The following SPAM1 variants were observed in gnomAD, a reference collection of about 807,000 sequenced individuals.
SPAM1 encodes hyaluronidase PH-20.
SPAM1 carries 22 observed loss-of-function variants against 29.6 expected under a neutral mutation model. The ratio of observed to expected loss-of-function variants is 0.74; its 90% CI spans 0.53 to 1.06. The LOEUF (loss-of-function observed/expected upper bound fraction) is 1.06, where lower values mean the gene tolerates loss of function less well. Ranked by LOEUF, SPAM1 falls within the 50% of genes least tolerant of loss-of-function variation. SPAM1 has a pLI of 0.00. For synonymous variants in SPAM1, 194 were observed against 204.6 expected (o/e 0.95, Z 0.44); for missense variants, 534 against 604.0 (o/e 0.88, Z 1.21).
At chr7:123,927,697 TGTTTA>T (rs1807934286) in intron 1 of SPAM1, among the ~76,000 whole-genome samples, 1 of 152,152 alleles carries the variant, frequency 6.6e-6, no homozygotes, top group African/African-American at 2.4e-5. Flanking sequence ...AAGAGCACCC[TGTTTA>T]GTTTGGTTAT....
At chr7:123,927,276 C>G (rs1319701432) in intron 1 of SPAM1, among the ~76,000 whole-genome samples, 2 of 152,116 alleles carry the variant, frequency 1.3e-5, no homozygotes, top group Non-Finnish European at 2.9e-5. Flanking sequence ...CAATCCTATT[C>G]TTTTCATGGC....
exon 7 of SPAM1, chr7:123,971,218 T>G (rs1255307145): frequency 6.6e-6 from 1 of 152,120 alleles, no homozygotes; most frequent in Non-Finnish European, 1.5e-5. Flanking sequence ...GATATTTATA[T>G]AAGATTATAA....
At chr7:123,962,740 G>T (rs1792375380), downstream of SPAM1, among the ~76,000 whole-genome samples, 1 of 151,772 alleles carries the variant, frequency 6.6e-6, no homozygotes, top group South Asian at 2.1e-4. Context: ...ATACTAAGTG[G>T]AAAACTAGAA....
intron 5 of SPAM1, among the ~76,000 whole-genome samples, chr7:123,966,041 G>A (rs1030122141): frequency 4.0e-5 from 6 of 151,810 alleles, no homozygotes; most frequent in African/African-American, 7.3e-5. Flanking sequence ...TCTAATATCT[G>A]TAGTCTACAA....
At chr7:123,933,188 AT>A (rs1808143744) in intron 1 of SPAM1, among the ~76,000 whole-genome samples, 1 of 151,618 alleles carries the variant, frequency 6.6e-6, no homozygotes, top group Admixed American at 6.6e-5. Flanking sequence ...CCTCGCGTGC[AT>A]TAGGTATTTG....
intron 5 of SPAM1, among the ~76,000 whole-genome samples, chr7:123,969,112 G>A (rs979222513): frequency 1.6e-4 from 25 of 152,026 alleles, no homozygotes; most frequent in African/African-American, 6.0e-4. Context: ...CAAGGTTGGA[G>A]TGCCCATTTT....
At chr7:123,959,196 T>C (rs1046005671) in intron 4 of SPAM1, among the ~76,000 whole-genome samples, 1 of 151,996 alleles carries the variant, frequency 6.6e-6, no homozygotes, top group Non-Finnish European at 1.5e-5. Context: ...GCTGTAGCAT[T>C]CTATCCCCTG....
chr7:123,927,596 A>T (rs1247629249), intron 1 of SPAM1, among the ~76,000 whole-genome samples: 6 of 152,184 alleles, frequency 3.9e-5, no homozygotes, highest in Admixed American at 3.9e-4. Flanking sequence ...TGTTCTTAGC[A>T]GGTAACAGTC....
chr7:123,952,846 A>G (rs2117057733), intron 2 of SPAM1, among the ~76,000 whole-genome samples: 1 of 151,676 alleles, frequency 6.6e-6, no homozygotes, highest in East Asian at 2.0e-4. Flanking sequence ...AAATTCAACC[A>G]AACTGTTGAT....
intron 1 of SPAM1, among the ~76,000 whole-genome samples, chr7:123,938,957 T>C (rs2117034065): frequency 6.6e-6 from 1 of 152,244 alleles, no homozygotes; most frequent in East Asian, 1.9e-4. Flanking sequence ...TAGTGGGATG[T>C]TGGATTGACT....
chr7:123,966,952 C>A (rs529852207), intron 5 of SPAM1, among the ~76,000 whole-genome samples: 4 of 151,844 alleles, frequency 2.6e-5, no homozygotes, highest in Admixed American at 2.0e-4. Flanking sequence ...AGTGCTATAT[C>A]GTAGGGAATA....
chr7:123,944,208 C>G (rs903749275), intron 1 of SPAM1, among the ~76,000 whole-genome samples: 2 of 152,032 alleles, frequency 1.3e-5, no homozygotes, highest in South Asian at 4.1e-4. Context: ...GGCCCTGTAT[C>G]TCATGAACAC....
At chr7:123,925,892 C>T (rs1302460974) in intron 1 of SPAM1, 2 of 152,044 alleles carry the variant, frequency 1.3e-5, no homozygotes, top group East Asian at 3.9e-4. Context: ...AGGAGGGAAC[C>T]TAATGTAAGA....
intron 2 of SPAM1, among the ~76,000 whole-genome samples, chr7:123,951,393 C>T (rs1472924632): frequency 6.6e-6 from 1 of 152,092 alleles, no homozygotes; most frequent in Admixed American, 6.6e-5. Flanking sequence ...GTAAAGTTCT[C>T]TATTAGATAC....
intron 6 of SPAM1, chr7:123,970,368 C>T (rs1001121895): frequency 1.8e-6 from 2 of 1,112,530 alleles, no homozygotes; most frequent in Non-Finnish European, 2.5e-6. Context: ...ATAAGGACAC[C>T]AGTCATGTTG....
chr7:123,967,571 C>T (rs1162003563), intron 5 of SPAM1, among the ~76,000 whole-genome samples: 3 of 151,580 alleles, frequency 2.0e-5, no homozygotes, highest in East Asian at 2.0e-4. Flanking sequence ...ATTTGTGAAA[C>T]AGCATGGTGT....
At chr7:123,970,336 T>C (rs1393464398) in intron 6 of SPAM1, 16 of 1,450,426 alleles carry the variant, frequency 1.1e-5, no homozygotes, top group Non-Finnish European at 1.5e-5. Context: ...TGTTTCTGTC[T>C]GTGACCTTGT....
chr7:123,954,824 A>G (rs1490343404), intron 3 of SPAM1, among the ~76,000 whole-genome samples, 173 bp from the exon 4 acceptor site: 1 of 151,908 alleles, frequency 6.6e-6, no homozygotes, highest in Non-Finnish European at 1.5e-5. Context: ...TGAAACAATA[A>G]TAGTATCTTA....
In SPAM1 at chr7:123,959,517, A is replaced by G. The variant is rs142754422; in HGVS notation, c.1078A>G (p.Thr360Ala). ...SCLLLDNYME[T>A]ILNPYIINVT... is the part of the protein sequence containing the mutation. ...CTTGCTCCTAGACAATTACATGGAG[A>G]CTATACTGAATCCTTACATAATCAA... Residue 360 changes from threonine (T) to alanine (A), a missense_variant, in exon 5 of 5, where the codon ACT becomes GCT. Transcript: ENST00000682466. The G allele has an allele frequency of 1.6e-4, 255 of 1,611,984 alleles. No homozygotes were observed. In the African/African-American group the frequency reaches 3.0e-3, roughly 19 times the overall value.
Sources: allele counts gnomAD v4.1 joint callset (sites outside exome capture counted in the v4.1 genomes callset), GRCh38; gene constraint gnomAD v4.1.1; transcripts MANE v1.5; gene names NCBI Gene and HGNC (gene_info 2026-07-23, HGNC 2026-07-21).